Variants in SMIM40 observed in about 807,000 individuals in gnomAD.
SMIM40 encodes the protein small integral membrane protein 40.
At chr6:33,324,882 C>CA (rs376451265) in intron 1 of SMIM40, among the ~76,000 whole-genome samples, 649 of 47,240 alleles carry the variant, frequency 0.014, 29 homozygotes, top group African/African-American at 0.027. Flanking sequence ...GAGATTATCT[C>CA]AAAAAAAAAA....
At chr6:33,323,912 T>G (rs2151004816) in intron 2 of SMIM40, 48 bp from the exon 3 acceptor site, 1 of 152,246 alleles carries the variant, frequency 6.6e-6, no homozygotes, top group South Asian at 2.1e-4. Context: ...CTCCTCCTCC[T>G]CCTCTTCGGG....
At chr6:33,328,223 C>T (rs964908158) in intron 1 of SMIM40, among the ~76,000 whole-genome samples, 7 of 151,494 alleles carry the variant, frequency 4.6e-5, no homozygotes, top group African/African-American at 1.7e-4. Context: ...GAGTCTCGCT[C>T]TGTCACCCAG....
intron 1 of SMIM40, among the ~76,000 whole-genome samples, chr6:33,326,246 C>T (rs1293024629): frequency 6.7e-6 from 1 of 148,490 alleles, no homozygotes; most frequent in Admixed American, 6.6e-5. Context: ...CTGCAACCTC[C>T]CACTCCCGGG....
At position 33,329,091 on chromosome 6, in the gene SMIM40, G is replaced by T. The variant is rs2151012274; in HGVS notation, c.175C>A (p.Leu59Ile). 7.5e-6 allele frequency: 3 copies of T among 398,808 alleles called. No homozygotes were observed. Among genetic ancestry groups the T allele is most frequent in the South Asian group, 2.5e-4 (2 of 7,858 alleles). 24.7% of individuals were successfully genotyped at this position (398,808 alleles called of 1,614,324 possible). ...EAAYKLLWLL[L>I]WAKLGDWLLG... ...AGCCAGTCCCCTAACTTTGCCCATA[G>T]TAGTAACCACAGCAGCTTATAAGCA... is the stretch of plus-strand genomic sequence containing the variant. The change falls in exon 1 of 3, where the codon CTA becomes ATA. Residue 59 changes from leucine (L) to isoleucine (I), a missense_variant. Coordinates refer to ENST00000494082, the MANE Select transcript of SMIM40 (RefSeq NM_001369203.1).
At chr6:33,324,545 C>CTTTTTTTTTTTTTTTTTTTTCTTTTTTTT (rs1771016693) in intron 1 of SMIM40, among the ~76,000 whole-genome samples, 1 of 103,216 alleles carries the variant, frequency 9.7e-6, no homozygotes, top group Non-Finnish European at 1.9e-5. Flanking sequence ...ACCACCTTTT[C>CTTTTTTTTTTTTTTTTTTTTCTTTTTTTT]TTTTTTTTTT....
chr6:33,324,267 G>C (rs1355691552), intron 1 of SMIM40, among the ~76,000 whole-genome samples: 3 of 152,072 alleles, frequency 2.0e-5, no homozygotes, highest in African/African-American at 7.3e-5. Context: ...ACTGGGACTT[G>C]GAAGATGTAA....
At chr6:33,324,887 A>G (rs1281966614) in intron 1 of SMIM40, among the ~76,000 whole-genome samples, 1 of 114,972 alleles carries the variant, frequency 8.7e-6, no homozygotes, top group East Asian at 2.3e-4. Flanking sequence ...TATCTCAAAA[A>G]AAAAAAAAAA....
chr6:33,324,550 T>C (rs932026842), intron 1 of SMIM40, among the ~76,000 whole-genome samples: 1,854 of 147,604 alleles, frequency 0.013, 53 homozygotes, highest in African/African-American at 0.042. Context: ...CTTTTCTTTT[T>C]TTTTTTTTTT....
In SMIM40 at chr6:33,324,882, CAAAAAAAAAAAAAAAAAAAA is replaced by C. The variant is rs376451265; in HGVS notation, c.*40-872_*40-853del. ...CCTGGGCGACAGAGCGAGATTATCTCAAAAAAAAAAAAAAAAAAAAAAAAAAAAAAGGAAAAAAAAAGGGT... is the reference window on the plus strand; with the variant it reads ...CCTGGGCGACAGAGCGAGATTATCTCAAAAAAAAAAGGAAAAAAAAAGGGT... On this transcript the variant is annotated intron_variant, in intron 1 of 2. Transcript: ENST00000494082. 2.2e-3 allele frequency among the ~76,000 whole-genome samples: 104 copies of C among 47,256 alleles called. 1 individual carries two copies. The highest frequency in any genetic ancestry group is 0.036 in the Middle Eastern group (1 of 28). The allele number at this position is 47,256 out of a possible 152,430, so 31.0% of individuals were successfully genotyped here. A position where few individuals can be genotyped will look rare whatever the true frequency, so the allele number is the denominator to read the frequency against.
chr6:33,327,001 G>A (rs1282796068), intron 1 of SMIM40, among the ~76,000 whole-genome samples: 1 of 147,606 alleles, frequency 6.8e-6, no homozygotes, highest in East Asian at 2.0e-4. Context: ...GCGGGCGCCT[G>A]TAGTCCCAGC....
chr6:33,326,595 C>T (rs1229667222), intron 1 of SMIM40, among the ~76,000 whole-genome samples: 1 of 149,128 alleles, frequency 6.7e-6, no homozygotes, highest in East Asian at 1.9e-4. Flanking sequence ...GAGGCCGAGG[C>T]GGGCAGATCA....
rs9282495 is a variant in SMIM40 at position 33,326,345 on chromosome 6, A to ATT, written c.*40-2317_*40-2316dup. ...CCAGCTAATTTTTTGTATTTTTTGT[A>ATT]TTTTTTTTTTTTAGTGGATATGGGT... On this transcript the variant is annotated intron_variant, in intron 1 of 2. Coordinates refer to ENST00000494082, the MANE Select transcript of SMIM40 (RefSeq NM_001369203.1). 2.1e-3 allele frequency among the ~76,000 whole-genome samples: 288 copies of ATT among 138,330 alleles called. 9 individuals carry two copies. The South Asian group carries it at 0.037, about 18-fold the overall frequency. The allele number at this position is 138,330 out of a possible 152,430, so 90.7% of individuals were successfully genotyped here. A position where few individuals can be genotyped will look rare whatever the true frequency, so the allele number is the denominator to read the frequency against.
Position 33,329,253 on chromosome 6 carries a change from C to T in SMIM40, c.13G>A (p.Gly5Ser), listed in dbSNP as rs879361844. 1 of 398,742 alleles carries T rather than the reference C, an allele frequency of 2.5e-6. No individual in the cohort carries two copies. Among genetic ancestry groups the T allele is most frequent in the Admixed American group, 4.4e-5 (1 of 22,720 alleles). 24.7% of individuals were successfully genotyped at this position (398,742 alleles called of 1,614,324 possible). A position where few individuals can be genotyped will look rare whatever the true frequency, so the allele number is the denominator to read the frequency against. MAEE[G>S]DVDEADVFLA... is the part of the protein sequence containing the mutation. ...AACACATCCGCCTCGTCCACATCAC[C>T]TTCCTCTGCCATCCTGACTCACAGT... The change falls in exon 1 of 3, where the codon GGT (glycine) becomes AGT (serine). Residue 5 changes from glycine (G) to serine (S), a missense_variant. Transcript: ENST00000494082.
At chr6:33,327,723 G>A (rs1581806296) in intron 1 of SMIM40, among the ~76,000 whole-genome samples, 1 of 151,808 alleles carries the variant, frequency 6.6e-6, no homozygotes, top group Admixed American at 6.6e-5. Context: ...AGCTGGGCAC[G>A]GTGGCACACA....
Position 33,327,065 on chromosome 6 carries a change from C to T in SMIM40, c.*39+1922G>A, listed in dbSNP as rs1021880907. ...CTTGAACCCGGGAGGCAGAGGTTGCCGGAAGCCAAGATCGCACCACTACAC... is the reference window on the plus strand; with the variant it reads ...CTTGAACCCGGGAGGCAGAGGTTGCTGGAAGCCAAGATCGCACCACTACAC... On this transcript the variant is annotated intron_variant, in intron 1 of 2. Coordinates refer to ENST00000494082, the MANE Select transcript of SMIM40 (RefSeq NM_001369203.1). Among the ~76,000 whole-genome samples the T allele has an allele frequency of 2.1e-4, 29 of 139,520 alleles. 6 individuals are homozygous for T. Among genetic ancestry groups the T allele is most frequent in the African/African-American group, 7.5e-4 (26 of 34,892 alleles). 91.5% of individuals were successfully genotyped at this position (139,520 alleles called of 152,430 possible).
chr6:33,326,491 C>T (rs1771181141), intron 1 of SMIM40, among the ~76,000 whole-genome samples: 1 of 148,314 alleles, frequency 6.7e-6, no homozygotes, highest in Non-Finnish European at 1.5e-5. Context: ...TATGATATTT[C>T]AATTCCACTG....
chr6:33,328,085 CA>C lies in SMIM40; in HGVS notation c.*39+901del, dbSNP rs563923539. On this transcript the variant is annotated intron_variant, in intron 1 of 2. Transcript: ENST00000494082. The stretch of plus-strand genomic sequence containing the variant: ...TGGGCGACAGAGCAAGACTCCATCT[CA>C]AAAAAAAAATAAAAATTAAAAAATA... Among the ~76,000 whole-genome samples the C allele has an allele frequency of 6.6e-4, 89 of 135,548 alleles. 1 individual carries two copies. Among genetic ancestry groups the C allele is most frequent in the Admixed American group, 8.1e-4 (11 of 13,542 alleles). 88.9% of individuals were successfully genotyped at this position (135,548 alleles called of 152,430 possible).
rs9282494 is a variant in SMIM40 at position 33,325,364 on chromosome 6, CA to C, written c.*40-1335del. On this transcript the variant is annotated intron_variant, in intron 1 of 2. Transcript: ENST00000494082. The stretch of plus-strand genomic sequence containing the variant: ...CTGGCGACAGAGCAAGACTCTGTCT[CA>C]AAAAAAAAAAAAAAAAGGTTTTTTA... Among the ~76,000 whole-genome samples the C allele has an allele frequency of 7.1e-3, 638 of 89,338 alleles. 17 individuals carry two copies. The highest frequency in any genetic ancestry group is 0.038 in the South Asian group (101 of 2,668). 58.6% of individuals were successfully genotyped at this position (89,338 alleles called of 152,430 possible). A position where few individuals can be genotyped will look rare whatever the true frequency, so the allele number is the denominator to read the frequency against.
intron 1 of SMIM40, among the ~76,000 whole-genome samples, chr6:33,324,914 GA>G (rs1003238652): frequency 3.5e-5 from 3 of 86,640 alleles, no homozygotes; most frequent in South Asian, 4.3e-4. Context: ...AAAAAAAAAG[GA>G]AAAAAAAAGG....
Sources: gnomAD v4.1 joint callset for allele counts (sites outside exome capture counted in the v4.1 genomes callset) on GRCh38, gnomAD v4.1.1 for gene constraint, MANE v1.5 for transcripts, NCBI Gene and HGNC (gene_info 2026-07-23, HGNC 2026-07-21) for gene names.